Variants in OSBPL9 observed in about 807,000 individuals in gnomAD.
The protein encoded by OSBPL9 is oxysterol-binding protein-related protein 9.
Under a neutral mutation model 106.6 loss-of-function variants are expected in OSBPL9, and 40 were observed. The ratio of observed to expected loss-of-function variants is 0.38; its 90% confidence interval spans 0.29 to 0.49. The LOEUF is 0.49. Ranked by LOEUF, OSBPL9 falls within the 20% of genes least tolerant of loss-of-function variation. OSBPL9 has a pLI of 0.97. For synonymous variants in OSBPL9, 269 were observed against 295.4 expected, an observed-to-expected ratio of 0.91 and a Z score of 0.92; for missense variants, 609 against 887.2, an observed-to-expected ratio of 0.69 and a Z score of 3.98.
intron 3 of OSBPL9, chr1:51,707,186 GC>G: frequency 2.5e-6 from 1 of 402,332 alleles, no homozygotes; most frequent in Non-Finnish European, 5.0e-6. Context: ...TGTTGGTGTA[GC>G]CAGATTCATT....
chr1:51,543,535 A>G, the OSBPL9 span, among the ~76,000 whole-genome samples: 1 of 152,260 alleles, frequency 6.6e-6, no homozygotes, highest in South Asian at 2.1e-4. Context: ...AGCTGGGACT[A>G]CAGGCACGTG....
At chr1:51,594,557 C>T (rs1645291103) in intron 1 of OSBPL9, among the ~76,000 whole-genome samples, 1 of 152,216 alleles carries the variant, frequency 6.6e-6, no homozygotes, top group Non-Finnish European at 1.5e-5. Flanking sequence ...TGCATGCCAA[C>T]TGTGTGCTCC....
At chr1:51,692,697 A>G (rs1248165939) in intron 3 of OSBPL9, among the ~76,000 whole-genome samples, 3 of 110,544 alleles carry the variant, frequency 2.7e-5, no homozygotes, top group Admixed American at 1.4e-4. Context: ...GGTTCTTGCT[A>G]TGTCACTCAG....
At chr1:51,767,040 C>T (rs1672709465) in intron 12 of OSBPL9, among the ~76,000 whole-genome samples, 1 of 152,034 alleles carries the variant, frequency 6.6e-6, no homozygotes, top group South Asian at 2.1e-4. Context: ...GATCACACCA[C>T]TGCACTCTAG....
chr1:51,625,912 G>C (rs531528949), intron 1 of OSBPL9, among the ~76,000 whole-genome samples: 2 of 152,174 alleles, frequency 1.3e-5, no homozygotes, highest in African/African-American at 4.8e-5. Flanking sequence ...TTCAAGGAAA[G>C]TATTTCCAGG....
At chr1:51,714,219 A>G in intron 4 of OSBPL9, 140 bp downstream of exon 4, 1 of 572,920 alleles carries the variant, frequency 1.7e-6, no homozygotes. Context: ...TTTTTCCTTT[A>G]CAGTTATAGT....
intron 3 of OSBPL9, among the ~76,000 whole-genome samples, chr1:51,674,390 T>G (rs1272688830): frequency 6.6e-6 from 1 of 152,208 alleles, no homozygotes; most frequent in African/African-American, 2.4e-5. Context: ...TGCCTTAGCC[T>G]CCCAAATTAC....
chr1:51,714,801 C>T (rs1332762554), intron 4 of OSBPL9, among the ~76,000 whole-genome samples: 1 of 152,174 alleles, frequency 6.6e-6, no homozygotes, highest in Non-Finnish European at 1.5e-5. Context: ...GTGTCAAATC[C>T]TGACCAGTCA....
At chr1:51,776,808 AG>A in intron 14 of OSBPL9, 24 bp from the exon 15 acceptor site, 1 of 1,494,648 alleles carries the variant, frequency 6.7e-7, no homozygotes, top group Non-Finnish European at 9.3e-7. Flanking sequence ...TTGATCTTCA[AG>A]GGTCAAATGT....
At chr1:51,699,532 C>T (rs1365671882) in intron 3 of OSBPL9, among the ~76,000 whole-genome samples, 1 of 152,154 alleles carries the variant, frequency 6.6e-6, no homozygotes, top group African/African-American at 2.4e-5. Context: ...AAATTGTCCT[C>T]AATTTGACCA....
At chr1:51,637,158 G>C (rs1238904348) in intron 1 of OSBPL9, among the ~76,000 whole-genome samples, 1 of 152,190 alleles carries the variant, frequency 6.6e-6, no homozygotes, top group African/African-American at 2.4e-5. Context: ...CTGTGGACAA[G>C]TTACTCCAAC....
In OSBPL9 at chr1:51,734,176, C is replaced by T. The variant is rs917806698; in HGVS notation, c.319-11360C>T. ...CGCACGCAGGAGAGAGAGAAGAGAA[C>T]TGTAGTTCCTGCCATATTGGAGTTC... On this transcript the variant is annotated intron_variant, in intron 4 of 23. Coordinates refer to ENST00000428468, the MANE Select transcript of OSBPL9 (RefSeq NM_024586.6). Among the ~76,000 whole-genome samples, 4 of 152,292 alleles carry T rather than the reference C, an allele frequency of 2.6e-5. No individual in the cohort carries two copies. The East Asian group carries it at 7.7e-4, about 29-fold the overall frequency.
chr1:51,692,573 G>A lies in OSBPL9; in HGVS notation c.242-21430G>A, dbSNP rs182907703. On this transcript the variant is annotated intron_variant, in intron 3 of 23. Coordinates refer to ENST00000428468, the MANE Select transcript of OSBPL9 (RefSeq NM_024586.6). ...ATCTTACAGGACCACTGTCATATAT[G>A]CAATCCCTCCCTCCCTCCTTTTCTT... 4.0e-4 allele frequency among the ~76,000 whole-genome samples: 60 copies of A among 151,732 alleles called. 1 individual carries two copies. The highest frequency in any genetic ancestry group is 3.8e-3 in the Admixed American group (58 of 15,234).
chr1:51,649,669 A>T (rs1455328238), intron 1 of OSBPL9, among the ~76,000 whole-genome samples: 2 of 147,816 alleles, frequency 1.4e-5, no homozygotes, highest in African/African-American at 5.0e-5. Flanking sequence ...TTTTTCCTTG[A>T]CTGGGAGGAG....
At chr1:51,583,240 G>A (rs1177682008) in intron 1 of OSBPL9, among the ~76,000 whole-genome samples, 1 of 152,136 alleles carries the variant, frequency 6.6e-6, no homozygotes, top group African/African-American at 2.4e-5. Context: ...AGGACAGGGA[G>A]TCAGCCACAT....
At position 51,784,325 on chromosome 1, in the gene OSBPL9, A is replaced by G. The variant is rs778288125; in HGVS notation, c.1686A>G (p.Gly562=). 6.2e-7 allele frequency: 1 copy of G among 1,613,512 alleles called. No individual in the cohort carries two copies. Among genetic ancestry groups the G allele is most frequent in the Admixed American group, 1.7e-5 (1 of 60,016 alleles). Reference sequence around the variant, plus strand: ...TTCTCACATTCCCCAATGGCTATGGAAGGCAAGTGTGTCCATTTCCTCTGA... The same window carrying G: ...TTCTCACATTCCCCAATGGCTATGGGAGGCAAGTGTGTCCATTTCCTCTGA... ...HYILTFPNGY[G]RSILTVPWVE... is the part of the protein sequence containing the mutation. The change falls in exon 19 of 24, where the codon GGA becomes GGG. Residue 562 remains glycine, a splice_region_variant and synonymous_variant. Transcript: ENST00000428468.
Position 51,713,279 on chromosome 1 carries a change from T to A in OSBPL9, c.242-724T>A, listed in dbSNP as rs536213155. Among the ~76,000 whole-genome samples the A allele has an allele frequency of 2.4e-3, 359 of 152,100 alleles. 1 individual carries two copies. Among genetic ancestry groups the A allele is most frequent in the African/African-American group, 8.3e-3 (344 of 41,508 alleles). ...ATTCTCCTGCCTCAGCCTCCTGAGT[T>A]ACTGGGATTACAGGGACCCGCCACC... On this transcript the variant is annotated intron_variant, in intron 3 of 23. Transcript: ENST00000428468.
the OSBPL9 span, chr1:51,565,717 TTA>T: frequency 6.6e-6 from 1 of 152,160 alleles, no homozygotes; most frequent in Non-Finnish European, 1.5e-5. Flanking sequence ...ACCCCAGAGT[TTA>T]TGTTTCCAAC....
intron 1 of OSBPL9, among the ~76,000 whole-genome samples, chr1:51,648,490 G>A (rs1336095992): frequency 6.6e-6 from 1 of 152,208 alleles, no homozygotes; most frequent in Non-Finnish European, 1.5e-5. Context: ...CCTGCCCTGT[G>A]GGGTAGTGGG....
Sources: gnomAD v4.1 joint callset for allele counts (sites outside exome capture counted in the v4.1 genomes callset) on GRCh38, gnomAD v4.1.1 for gene constraint, MANE v1.5 for transcripts, NCBI Gene and HGNC (gene_info 2026-07-23, HGNC 2026-07-21) for gene names.